ADGRV1: variants seen among roughly 807,000 people sequenced by gnomAD.
The protein encoded by ADGRV1 is G-protein coupled receptor 98.
ADGRV1 carries 359 observed loss-of-function variants against 596.2 expected under a neutral mutation model. That is an observed-to-expected ratio of 0.60 (90% CI 0.55 to 0.66). The LOEUF (loss-of-function observed/expected upper bound fraction) is 0.66, where lower values mean the gene tolerates loss of function less well. ADGRV1 is among the 30% of genes least tolerant of loss of function. The probability of loss-of-function intolerance (pLI) is 0.00; values close to 1 mark genes in which losing one functional copy is unlikely to be tolerated. For missense variants in ADGRV1, 7,274 were observed against 7,575.6 expected, an observed-to-expected ratio of 0.96 and a Z score of 1.48; for synonymous variants, 2,681 against 2,679.2, an observed-to-expected ratio of 1.00 and a Z score of -0.02.
intron 1 of ADGRV1, among the ~76,000 whole-genome samples, chr5:90,606,419 A>G (rs901300457): frequency 2.6e-5 from 4 of 152,204 alleles, no homozygotes; most frequent in Admixed American, 6.5e-5. Context: ...AGGTAAAGCT[A>G]TTCAAGATGG....
At chr5:90,906,989 C>G (rs963340980) in intron 83 of ADGRV1, among the ~76,000 whole-genome samples, 1 of 152,180 alleles carries the variant, frequency 6.6e-6, no homozygotes, top group Non-Finnish European at 1.5e-5. Context: ...TAGGTGGCTT[C>G]CGTTTACGGT....
In ADGRV1 at chr5:90,653,578, G is replaced by C; in HGVS notation, c.4004G>C (p.Gly1335Ala). 6.2e-7 allele frequency: 1 copy of C among 1,613,874 alleles called. No individual in the cohort carries two copies. The highest frequency in any genetic ancestry group is 8.5e-7 in the Non-Finnish European group (1 of 1,179,856). ...GCTTTGTACTTTACCGGACTAGAGG[G>C]TGCATTTGGGACTGTTAATCCAAAA... ...TDALYFTGLE[G>A]AFGTVNPKYH... The change falls in exon 20 of 90, where the codon GGT becomes GCT. Residue 1335 changes from glycine (G) to alanine (A), a missense_variant. Gly to Ala is a moderately conservative substitution (Grantham distance 60, BLOSUM62 0). This residue lies in a region of ADGRV1 where 1,715 missense variants were observed against 1,708.8 expected (regional missense o/e 1.00). Transcript: ENST00000405460.
chr5:91,145,561 T>C (rs535263008), intron 87 of ADGRV1, among the ~76,000 whole-genome samples: 171 of 152,358 alleles, frequency 1.1e-3, no homozygotes, highest in African/African-American at 3.7e-3. Context: ...CAGGAAGATT[T>C]GTTTCTGCTA....
intron 86 of ADGRV1, among the ~76,000 whole-genome samples, chr5:91,074,421 G>A (rs1447383549): frequency 6.6e-6 from 1 of 152,190 alleles, no homozygotes; most frequent in African/African-American, 2.4e-5. Context: ...GTGAGAACAT[G>A]TGGTATTTGG....
intron 1 of ADGRV1, among the ~76,000 whole-genome samples, chr5:90,603,491 G>T (rs889017032): frequency 9.9e-5 from 15 of 152,024 alleles, no homozygotes; most frequent in South Asian, 8.3e-4. Flanking sequence ...CCTAGAAACT[G>T]GCACTTCATG....
chr5:91,099,876 T>C (rs1391005836), intron 86 of ADGRV1, among the ~76,000 whole-genome samples: 1 of 152,220 alleles, frequency 6.6e-6, no homozygotes, highest in South Asian at 2.1e-4. Flanking sequence ...TGTGTTTGTG[T>C]GTGCATATGC....
At chr5:90,605,442 G>GA (rs1761996043) in intron 1 of ADGRV1, among the ~76,000 whole-genome samples, 1 of 150,694 alleles carries the variant, frequency 6.6e-6, no homozygotes, top group Non-Finnish European at 1.5e-5. Flanking sequence ...TAAAAAAATA[G>GA]AAAAAACTTT....
intron 45 of ADGRV1, among the ~76,000 whole-genome samples, chr5:90,721,595 T>A (rs1344093950): frequency 3.2e-5 from 2 of 63,438 alleles, no homozygotes; most frequent in African/African-American, 7.6e-5. Flanking sequence ...ATAAAATATG[T>A]ATTTAGTGCC....
intron 36 of ADGRV1, among the ~76,000 whole-genome samples, 171 bp from the exon 37 acceptor site, chr5:90,705,229 G>C (rs547873802): frequency 6.6e-6 from 1 of 152,228 alleles, no homozygotes; most frequent in South Asian, 2.1e-4. Context: ...AGAAATTCAT[G>C]ATCTTCCACC....
chr5:90,645,338 TC>T (rs927698352), intron 15 of ADGRV1, among the ~76,000 whole-genome samples: 1 of 152,110 alleles, frequency 6.6e-6, no homozygotes, highest in Non-Finnish European at 1.5e-5. Flanking sequence ...TGGAGGCCAG[TC>T]CCCTCTCCCT....
At chr5:91,066,574 G>A (rs1296755967) in intron 85 of ADGRV1, among the ~76,000 whole-genome samples, 1 of 152,142 alleles carries the variant, frequency 6.6e-6, no homozygotes, top group Admixed American at 6.5e-5. Context: ...AAAACAAGAA[G>A]GTGTTAAGTA....
intron 11 of ADGRV1, among the ~76,000 whole-genome samples, chr5:90,638,587 CTG>C (rs886688523): frequency 2.7e-5 from 4 of 150,824 alleles, no homozygotes; most frequent in Admixed American, 2.0e-4. Context: ...ATATAAAATA[CTG>C]TGTTTAATGA....
chr5:90,712,421 T>TA lies in ADGRV1; in HGVS notation c.9178dup (p.Thr3060AsnfsTer10), dbSNP rs1749485242. The TA allele has an allele frequency of 6.3e-7, 1 of 1,584,116 alleles. No individual in the cohort carries two copies. Among genetic ancestry groups the TA allele is most frequent in the Non-Finnish European group, 8.6e-7 (1 of 1,162,590 alleles). On this transcript the variant is annotated frameshift_variant, in exon 42 of 90. Transcript: ENST00000405460. LOFTEE classifies it high-confidence loss of function. ...CTCCTGGACTAGAGCTAGGGAAAAA[T>TA]ACAATAGGTAATTAATAATTTCTTA...
At chr5:90,869,003 G>C (rs1433595706) in intron 83 of ADGRV1, among the ~76,000 whole-genome samples, 1 of 152,028 alleles carries the variant, frequency 6.6e-6, no homozygotes, top group Non-Finnish European at 1.5e-5. Context: ...ACAATATTAA[G>C]ATTGCGCAAT....
intron 21 of ADGRV1, among the ~76,000 whole-genome samples, chr5:90,661,799 A>T (rs934809433): frequency 2.6e-5 from 4 of 152,188 alleles, no homozygotes; most frequent in African/African-American, 9.6e-5. Context: ...GTTTGTTTGT[A>T]TCATAATTCT....
chr5:90,965,400 A>ATCTGTTTCTTACAGAT lies in ADGRV1; in HGVS notation c.17857-5_17867dup. 1.3e-6 allele frequency: 2 copies of ATCTGTTTCTTACAGAT among 1,481,486 alleles called. No individual in the cohort carries two copies. The highest frequency in any genetic ancestry group is 1.9e-6 in the Non-Finnish European group (2 of 1,059,124). 91.8% of individuals were successfully genotyped at this position (1,481,486 alleles called of 1,614,324 possible). Reference sequence around the variant, plus strand: ...TTTAGCATATTTTAAAAATAGAAGTATCTGTTTCTTACAGATTCTGTTTCT... The same window carrying ATCTGTTTCTTACAGAT: ...TTTAGCATATTTTAAAAATAGAAGTATCTGTTTCTTACAGATTCTGTTTCTTACAGATTCTGTTTCT... On this transcript the variant is annotated splice_polypyrimidine_tract_variant and intron_variant, in intron 83 of 89. Transcript: ENST00000405460.
chr5:90,865,417 A>G (rs1767997244), intron 83 of ADGRV1, among the ~76,000 whole-genome samples: 1 of 152,160 alleles, frequency 6.6e-6, no homozygotes, highest in South Asian at 2.1e-4. Flanking sequence ...TCAGTGTCCT[A>G]GCAGACAAAT....
At chr5:91,000,257 A>G (rs1343536395) in intron 85 of ADGRV1, among the ~76,000 whole-genome samples, 2 of 152,098 alleles carry the variant, frequency 1.3e-5, no homozygotes, top group Non-Finnish European at 2.9e-5. Flanking sequence ...GCATTTTTTA[A>G]TGGATTCACA....
intron 28 of ADGRV1, 136 bp from the exon 29 acceptor site, chr5:90,685,632 AAATAAATAAAAT>A (rs1170268247): frequency 1.7e-5 from 4 of 235,680 alleles, no homozygotes; most frequent in African/African-American, 4.9e-5. Flanking sequence ...ATAAATAAAT[AAATAAATAAAAT>A]AAATAGTAGA....
Sources: gnomAD v4.1 joint callset for allele counts (sites outside exome capture counted in the v4.1 genomes callset) on GRCh38, gnomAD v4.1.1 for gene constraint, gnomAD v4.1.1 regional missense constraint, MANE v1.5 for transcripts, NCBI Gene and HGNC (gene_info 2026-07-23, HGNC 2026-07-21) for gene names.